CEACAM5: variants seen among roughly 807,000 people sequenced by gnomAD.
CEACAM5 encodes CEA cell adhesion molecule 5, also known as cell adhesion molecule CEACAM5.
In CEACAM5, 52 loss-of-function variants were observed where a neutral mutation model predicts 63.0. The observed-to-expected ratio is 0.83, with a 90% CI of 0.66 to 1.04. The LOEUF (loss-of-function observed/expected upper bound fraction) is 1.04, where lower values mean the gene tolerates loss of function less well. Ranked by LOEUF, CEACAM5 falls within the 50% of genes least tolerant of loss-of-function variation. The pLI, the probability that CEACAM5 is intolerant of heterozygous loss-of-function variation, is 0.00. For synonymous variants in CEACAM5, 357 were observed against 351.3 expected (o/e 1.02, Z -0.18); for missense variants, 790 against 864.8 (o/e 0.91, Z 1.08).
rs782545749 is a variant in CEACAM5, at chr19:41,720,024, C to T, written c.1587C>T (p.Asn529=). The change falls in exon 7 of 10, where the codon AAC becomes AAT. Residue 529 remains asparagine (N), a synonymous_variant. Coordinates refer to ENST00000221992, the MANE Select transcript of CEACAM5 (RefSeq NM_004363.6). ...TCACCTGTGAACCTGAGGCTCAGAA[C>T]ACAACCTACCTGTGGTGGGTAAATG... ...VAFTCEPEAQ[N]TTYLWWVNGQ... is the part of the protein sequence containing the mutation. The T allele has an allele frequency of 6.2e-7, 1 of 1,614,272 alleles. No individual in the cohort carries two copies. The highest frequency in any genetic ancestry group is 1.1e-5 in the South Asian group (1 of 91,088).
At chr19:41,719,277 A>G (rs536832519) in intron 6 of CEACAM5, among the ~76,000 whole-genome samples, 3 of 152,180 alleles carry the variant, frequency 2.0e-5, no homozygotes, top group Non-Finnish European at 2.9e-5. Flanking sequence ...TAACCTTTCT[A>G]TGTATGCAGT....
At chr19:41,720,843 A>ACACTGTGG in intron 7 of CEACAM5, 79 bp from the exon 8 acceptor site, 1 of 1,534,204 alleles carries the variant, frequency 6.5e-7, no homozygotes, top group South Asian at 1.2e-5. Context: ...ATTCAGAGGG[A>ACACTGTGG]CACTGTGGCC....
intron 7 of CEACAM5, 90 bp from the exon 8 acceptor site, chr19:41,720,832 G>A: frequency 6.6e-7 from 1 of 1,506,262 alleles, no homozygotes; most frequent in Non-Finnish European, 9.1e-7. Flanking sequence ...ATTGGGACAG[G>A]ATTCAGAGGG....
chr19:41,716,000 T>G, intron 4 of CEACAM5, 96 bp downstream of exon 4: 1 of 1,427,922 alleles, frequency 7.0e-7, no homozygotes, highest in East Asian at 2.3e-5. Context: ...TCCCAGCCTG[T>G]GTCCAGTGGG....
At chr19:41,725,356 T>TC (rs1253291098) in intron 8 of CEACAM5, among the ~76,000 whole-genome samples, 8 of 151,536 alleles carry the variant, frequency 5.3e-5, no homozygotes, top group Non-Finnish European at 1.0e-4. Context: ...ATCTCCATTT[T>TC]CTTTTTTTTT....
At position 41,718,306 on chromosome 19, in the gene CEACAM5, C is replaced by A; in HGVS notation, c.1416C>A (p.Ser472Arg). 1 of 1,614,150 alleles carries A rather than the reference C, an allele frequency of 6.2e-7. No homozygotes were observed. Among genetic ancestry groups the A allele is most frequent in the South Asian group, 1.1e-5 (1 of 91,078 alleles). ...LFISNITEKN[S>R]GLYTCQANNS... ...TCTCCAACATCACTGAGAAGAACAG[C>A]GGACTCTATACCTGCCAGGCCAATA... The change falls in exon 6 of 10, where the codon AGC (serine) becomes AGA (arginine). Residue 472 changes from serine to arginine, a missense_variant. Ser to Arg is a moderately radical substitution (Grantham distance 110). Transcript: ENST00000221992.
intron 7 of CEACAM5, among the ~76,000 whole-genome samples, chr19:41,720,500 CTTTTTT>C (rs10713199): frequency 5.2e-5 from 5 of 96,052 alleles, no homozygotes; most frequent in Non-Finnish European, 1.0e-4. Context: ...ATGGTTTGGA[CTTTTTT>C]TTTTTTTTTT....
In CEACAM5 at chr19:41,709,557, C is replaced by T. The variant is rs1256130726; in HGVS notation, c.65-123C>T. On this transcript the variant is annotated intron_variant, in intron 1 of 9. Coordinates refer to ENST00000221992, the MANE Select transcript of CEACAM5 (RefSeq NM_004363.6). ...AGTAGGACACACACACACACACACA[C>T]ACACACACACTCACTCACTCCAGGG... 3.2e-5 allele frequency: 47 copies of T among 1,456,716 alleles called. 1 individual carries two copies. Among genetic ancestry groups the T allele is most frequent in the Non-Finnish European group, 8.3e-6 (9 of 1,085,142 alleles). 90.2% of individuals were successfully genotyped at this position (1,456,716 alleles called of 1,614,324 possible).
At chr19:41,714,672 G>A (rs529538546) in intron 2 of CEACAM5, among the ~76,000 whole-genome samples, 13 of 152,224 alleles carry the variant, frequency 8.5e-5, no homozygotes, top group Admixed American at 7.8e-4. Flanking sequence ...GGTCAGGGAG[G>A]GACCAGGAGA....
rs1272648260 is a variant in CEACAM5 at position 41,717,055 on chromosome 19, A to G, written c.959-400A>G. 2.0e-4 allele frequency among the ~76,000 whole-genome samples: 30 copies of G among 152,210 alleles called. 1 individual carries two copies. The highest frequency in any genetic ancestry group is 1.0e-4 in the Non-Finnish European group (7 of 68,042). ...CTTAAATAGCAAAGCCTCAGAGCAAACACAACTTGGCTGGGTGGTGTGGGA... is the reference window on the plus strand; with the variant it reads ...CTTAAATAGCAAAGCCTCAGAGCAAGCACAACTTGGCTGGGTGGTGTGGGA... On this transcript the variant is annotated intron_variant, in intron 4 of 9. Transcript: ENST00000221992.
chr19:41,714,618 G>C (rs1467338077), intron 2 of CEACAM5, among the ~76,000 whole-genome samples: 1 of 152,214 alleles, frequency 6.6e-6, no homozygotes, highest in African/African-American at 2.4e-5. Context: ...CCCAGCACTT[G>C]AATGTTCCAG....
At chr19:41,724,558 G>C (rs1568712357) in intron 8 of CEACAM5, among the ~76,000 whole-genome samples, 1 of 152,082 alleles carries the variant, frequency 6.6e-6, no homozygotes, top group Non-Finnish European at 1.5e-5. Context: ...ACTTTGAGTG[G>C]TATTGTCCTC....
At chr19:41,727,806 A>G (rs934556862) in intron 9 of CEACAM5, among the ~76,000 whole-genome samples, 4 of 152,196 alleles carry the variant, frequency 2.6e-5, no homozygotes, top group South Asian at 2.1e-4. Context: ...GGTGTATTAG[A>G]TAAGTTCACA....
chr19:41,710,123 G>A (rs1345020029), intron 2 of CEACAM5, 84 bp downstream of exon 2: 2 of 1,541,720 alleles, frequency 1.3e-6, no homozygotes, highest in Non-Finnish European at 1.7e-6. Context: ...GGCTGTGCCT[G>A]TGGCCCCCTC....
intron 2 of CEACAM5, among the ~76,000 whole-genome samples, chr19:41,711,181 A>C (rs1555814003): frequency 1.3e-5 from 2 of 152,078 alleles, no homozygotes; most frequent in African/African-American, 4.8e-5. Context: ...ATGGAGAAAT[A>C]ATCAGTTTTA....
At chr19:41,712,943 C>A (rs1025671236) in intron 2 of CEACAM5, among the ~76,000 whole-genome samples, 1 of 152,176 alleles carries the variant, frequency 6.6e-6, no homozygotes, top group Non-Finnish European at 1.5e-5. Context: ...TATCCCAAAT[C>A]CTAAAATCCA....
chr19:41,722,666 C>T (rs1294781277), intron 8 of CEACAM5, among the ~76,000 whole-genome samples: 2 of 152,212 alleles, frequency 1.3e-5, no homozygotes, highest in African/African-American at 2.4e-5. Flanking sequence ...CCATGTATCA[C>T]AATTTCTTCC....
Position 41,709,658 on chromosome 19 carries a change from G to A in CEACAM5, c.65-22G>A, listed in dbSNP as rs183948650. ...TAATGCATAGGTCCCAATATTGACC[G>A]ATGCTCTCTGCTCTCTCCTAGCCTC... On this transcript the variant is annotated intron_variant, in intron 1 of 9. Coordinates refer to ENST00000221992, the MANE Select transcript of CEACAM5 (RefSeq NM_004363.6). The A allele has an allele frequency of 4.1e-5, 65 of 1,604,160 alleles. No homozygotes were observed. In the East Asian group the frequency reaches 8.9e-4, roughly 22 times the overall value.
At chr19:41,727,401 G>A in intron 9 of CEACAM5, 49 bp downstream of exon 9, 1 of 931,722 alleles carries the variant, frequency 1.1e-6, no homozygotes, top group Non-Finnish European at 1.7e-6. Flanking sequence ...AGTGCTGACT[G>A]CCATGCTTGG....
Sources: allele counts gnomAD v4.1 joint callset (sites outside exome capture counted in the v4.1 genomes callset), GRCh38; gene constraint gnomAD v4.1.1; transcripts MANE v1.5; gene names NCBI Gene and HGNC (gene_info 2026-07-23, HGNC 2026-07-21).